TAOK1: variants seen among roughly 807,000 people sequenced by gnomAD.
TAOK1 encodes TAO kinase 1.
A neutral mutation model predicts 138.3 loss-of-function variants in TAOK1; 21 were observed. The ratio of observed to expected loss-of-function variants is 0.15; its 90% CI spans 0.11 to 0.22. The LOEUF is 0.22. Ranked by LOEUF, TAOK1 falls within the 10% of genes least tolerant of loss-of-function variation. The probability of loss-of-function intolerance (pLI) is 1.00; values close to 1 mark genes in which losing one functional copy is unlikely to be tolerated. For synonymous variants in TAOK1, 361 were observed against 398.4 expected (o/e 0.91, Z 1.12); for missense variants, 651 against 1,227.7 (o/e 0.53, Z 7.02).
At chr17:29,533,754 T>C (rs903236197) in intron 18 of TAOK1, among the ~76,000 whole-genome samples, 9 of 128,288 alleles carry the variant, frequency 7.0e-5, no homozygotes, top group Non-Finnish European at 1.1e-4. Context: ...GGCAGGAGAA[T>C]CAGGCAAGGA....
intron 3 of TAOK1, among the ~76,000 whole-genome samples, chr17:29,470,791 G>C (rs1410727870): frequency 1.3e-5 from 2 of 152,068 alleles, no homozygotes; most frequent in Non-Finnish European, 2.9e-5. Flanking sequence ...TCATAATAAA[G>C]CAAGTCACAT....
intron 1 of TAOK1, among the ~76,000 whole-genome samples, chr17:29,401,313 C>A (rs1049774939): frequency 6.6e-6 from 1 of 152,114 alleles, no homozygotes. Context: ...TTAATGTGCT[C>A]ACGGTTCTGT....
intron 8 of TAOK1, among the ~76,000 whole-genome samples, chr17:29,488,597 T>C (rs1447540262): frequency 6.8e-6 from 1 of 147,490 alleles, no homozygotes; most frequent in Non-Finnish European, 1.5e-5. Context: ...ATAATAATAA[T>C]AATAATAATA....
chr17:29,469,686 A>C (rs2030766121), intron 3 of TAOK1, among the ~76,000 whole-genome samples: 1 of 152,204 alleles, frequency 6.6e-6, no homozygotes, highest in Non-Finnish European at 1.5e-5. Flanking sequence ...ATGTATATCT[A>C]CATATGTATC....
At chr17:29,455,622 C>T (rs1598488053) in intron 2 of TAOK1, among the ~76,000 whole-genome samples, 1 of 150,346 alleles carries the variant, frequency 6.7e-6, no homozygotes, top group East Asian at 1.9e-4. Context: ...AATAAATACC[C>T]TTTATCATGT....
At chr17:29,520,458 G>A (rs1246293330) in intron 16 of TAOK1, among the ~76,000 whole-genome samples, 1 of 151,486 alleles carries the variant, frequency 6.6e-6, no homozygotes, top group Non-Finnish European at 1.5e-5. Flanking sequence ...CTATTGCCCA[G>A]GCTGGAATGC....
intron 1 of TAOK1, among the ~76,000 whole-genome samples, chr17:29,410,620 T>G (rs1023075912): frequency 1.1e-3 from 49 of 43,448 alleles, no homozygotes; most frequent in African/African-American, 2.3e-3. Flanking sequence ...GGGTTTTTTG[T>G]TTTTTTTTTT....
Position 29,495,704 on chromosome 17 carries a change from G to A in TAOK1, c.976G>A (p.Val326Ile), listed in dbSNP as rs1355133579. The A allele has an allele frequency of 1.9e-6, 3 of 1,605,654 alleles. No homozygotes were observed. In the African/African-American group the frequency reaches 4.0e-5, roughly 21 times the overall value. The change falls in exon 11 of 20, where the codon GTA (valine) becomes ATA (isoleucine). Residue 326 changes from valine to isoleucine, a missense_variant. Coordinates refer to ENST00000261716, the MANE Select transcript of TAOK1 (RefSeq NM_020791.4). ...CCAGGAGGCACATAATGGACCAGCA[G>A]TAGAAGCACAGGAAGAAGAAGAGGT... The part of the protein sequence containing the change: ...LFQEAHNGPA[V>I]EAQEEEEEQD...
chr17:29,479,199 G>A (rs1173181768), intron 6 of TAOK1, among the ~76,000 whole-genome samples: 2 of 151,892 alleles, frequency 1.3e-5, no homozygotes, highest in African/African-American at 4.8e-5. Flanking sequence ...TTGAGCTGTG[G>A]TCCTTGATAA....
At chr17:29,444,507 T>C (rs1314314093) in intron 1 of TAOK1, among the ~76,000 whole-genome samples, 1 of 152,224 alleles carries the variant, frequency 6.6e-6, no homozygotes, top group Non-Finnish European at 1.5e-5. Context: ...AGTTCTCGTG[T>C]ATTTATATAT....
At chr17:29,415,524 T>A (rs1431142725) in intron 1 of TAOK1, among the ~76,000 whole-genome samples, 6 of 152,210 alleles carry the variant, frequency 3.9e-5, no homozygotes, top group Admixed American at 1.3e-4. Context: ...GTTAAAAAAA[T>A]TTTATAGCCA....
intron 1 of TAOK1, chr17:29,424,843 G>A (rs1185203427): frequency 6.6e-6 from 1 of 152,064 alleles, no homozygotes; most frequent in Non-Finnish European, 1.5e-5. Context: ...CAGGTTTTTA[G>A]TATATGTGCT....
At chr17:29,510,504 C>T (rs2031702029) in intron 14 of TAOK1, among the ~76,000 whole-genome samples, 1 of 152,094 alleles carries the variant, frequency 6.6e-6, no homozygotes, top group South Asian at 2.1e-4. Context: ...AAATATTCTA[C>T]AATGAACATG....
At position 29,391,921 on chromosome 17, in the gene TAOK1, C is replaced by A. The variant is rs539178508; in HGVS notation, c.-95+897C>A. On this transcript the variant is annotated intron_variant, in intron 1 of 19. Transcript: ENST00000261716. ...TTCTTTTTCTATGACTTTTGTAGTT[C>A]ATGAAGAATTATTGGCCTGGCGCGG... Among the ~76,000 whole-genome samples the A allele has an allele frequency of 2.0e-5, 3 of 152,246 alleles. No individual in the cohort carries two copies. In the South Asian group the frequency reaches 6.2e-4, roughly 32 times the overall value.
chr17:29,500,052 C>G (rs1001243577), intron 12 of TAOK1, among the ~76,000 whole-genome samples: 2 of 152,034 alleles, frequency 1.3e-5, no homozygotes, highest in African/African-American at 4.8e-5. Flanking sequence ...AGAGGCCCAC[C>G]CCTGTAATTC....
rs2032172961 is a variant in TAOK1, at chr17:29,533,802, C to T, written c.2362-316C>T. 7.1e-5 allele frequency among the ~76,000 whole-genome samples: 9 copies of T among 127,442 alleles called. 1 individual carries two copies. The South Asian group carries it at 2.4e-3, about 34-fold the overall frequency. The allele number at this position is 127,442 out of a possible 152,430, so 83.6% of individuals were successfully genotyped here. A position where few individuals can be genotyped will look rare whatever the true frequency, so the allele number is the denominator to read the frequency against. Reference sequence around the variant, plus strand: ...CCGAGATGGCAGCAGTACAGTCCAGCTTCGGCTCGGCATCAGAGGGAGACC... The same window carrying T: ...CCGAGATGGCAGCAGTACAGTCCAGTTTCGGCTCGGCATCAGAGGGAGACC... On this transcript the variant is annotated intron_variant, in intron 18 of 19. Coordinates refer to ENST00000261716, the MANE Select transcript of TAOK1 (RefSeq NM_020791.4).
chr17:29,429,425 C>T (rs1270765238), intron 1 of TAOK1, among the ~76,000 whole-genome samples: 2 of 151,878 alleles, frequency 1.3e-5, no homozygotes, highest in African/African-American at 2.4e-5. Context: ...CAGGTGCACG[C>T]CACCAGGACC....
At chr17:29,404,846 A>AGAATG (rs1904949992) in intron 1 of TAOK1, among the ~76,000 whole-genome samples, 2 of 152,180 alleles carry the variant, frequency 1.3e-5, no homozygotes, top group Admixed American at 1.3e-4. Context: ...GTTAAAATAC[A>AGAATG]CTACCATTCT....
chr17:29,426,978 TTAAA>T (rs1905661566), intron 1 of TAOK1, among the ~76,000 whole-genome samples: 1 of 152,130 alleles, frequency 6.6e-6, no homozygotes, highest in Non-Finnish European at 1.5e-5. Flanking sequence ...TTAATAAAAA[TTAAA>T]TAAAATTCAG....
Sources: allele counts gnomAD v4.1 joint callset (sites outside exome capture counted in the v4.1 genomes callset), GRCh38; gene constraint gnomAD v4.1.1; transcripts MANE v1.5; gene names NCBI Gene and HGNC (gene_info 2026-07-23, HGNC 2026-07-21).